Variants in ARHGAP15 observed in about 807,000 individuals in gnomAD.
The protein encoded by ARHGAP15 is rho GTPase-activating protein 15.
ARHGAP15 carries 51 observed loss-of-function variants against 63.7 expected under a neutral mutation model. That is an observed-to-expected ratio of 0.80 (90% CI 0.64 to 1.01). The LOEUF (loss-of-function observed/expected upper bound fraction) is 1.01. Among genes scored for constraint, ARHGAP15 ranks in the 50% least tolerant of loss-of-function variants. The pLI, the probability that ARHGAP15 is intolerant of heterozygous loss-of-function variation, is 0.00. For synonymous variants in ARHGAP15, 191 were observed against 193.8 expected, an observed-to-expected ratio of 0.99 and a Z score of 0.12; for missense variants, 560 against 564.6, an observed-to-expected ratio of 0.99 and a Z score of 0.08.
intron 6 of ARHGAP15, among the ~76,000 whole-genome samples, chr2:143,329,195 G>A (rs1037371320): frequency 7.9e-5 from 12 of 152,122 alleles, no homozygotes; most frequent in Admixed American, 3.3e-4. Flanking sequence ...TACATTATAC[G>A]GCAAAGATGA....
At chr2:143,749,412 T>C (rs1271058599) in intron 13 of ARHGAP15, among the ~76,000 whole-genome samples, 1 of 152,226 alleles carries the variant, frequency 6.6e-6, no homozygotes, top group East Asian at 1.9e-4. Flanking sequence ...CATCCTTCTC[T>C]CTCTCTTTAT....
intron 6 of ARHGAP15, among the ~76,000 whole-genome samples, chr2:143,424,379 AT>A (rs968517631): frequency 2.6e-5 from 4 of 152,084 alleles, no homozygotes; most frequent in Admixed American, 6.6e-5. Flanking sequence ...TACAAATCTA[AT>A]TTTTTTTAAA....
chr2:143,232,043 A>G (rs1393729871), intron 5 of ARHGAP15, among the ~76,000 whole-genome samples: 1 of 152,226 alleles, frequency 6.6e-6, no homozygotes, highest in South Asian at 2.1e-4. Context: ...ATCCTTAAAA[A>G]TATCCAAGTC....
intron 6 of ARHGAP15, among the ~76,000 whole-genome samples, chr2:143,378,079 A>G (rs986813273): frequency 1.3e-5 from 2 of 152,044 alleles, no homozygotes; most frequent in African/African-American, 4.8e-5. Flanking sequence ...GTTTACTGAA[A>G]TTAACTAGAA....
intron 1 of ARHGAP15, among the ~76,000 whole-genome samples, chr2:143,145,857 TG>T (rs1689564678): frequency 6.6e-6 from 1 of 150,624 alleles, no homozygotes; most frequent in Non-Finnish European, 1.5e-5. Flanking sequence ...TGTGTGTGTG[TG>T]TGTGTGTGTG....
intron 2 of ARHGAP15, among the ~76,000 whole-genome samples, chr2:143,179,753 G>A (rs354678): frequency 0.64 from 97,353 of 151,886 alleles, 31,561 homozygotes; most frequent in Non-Finnish European, 0.68. Flanking sequence ...TTAATCGGGC[G>A]TGCTTTTCCA....
Position 143,284,618 on chromosome 2 carries a change from A to C in ARHGAP15, c.474+34018A>C, listed in dbSNP as rs567847721. Among the ~76,000 whole-genome samples, 15 of 152,338 alleles carry C rather than the reference A, an allele frequency of 9.8e-5. 1 individual carries two copies. In the South Asian group the frequency reaches 1.9e-3, roughly 19 times the overall value. ...AAGAATGGAGCCGTTCCAGTGCGTC[A>C]CAAGACTTTAGGACACTTACATAGT... On this transcript the variant is annotated intron_variant, in intron 6 of 13. Transcript: ENST00000295095.
At chr2:143,687,830 C>T (rs1272999505) in intron 12 of ARHGAP15, among the ~76,000 whole-genome samples, 1 of 152,094 alleles carries the variant, frequency 6.6e-6, no homozygotes. Context: ...AAAAAGAATC[C>T]ATACTCCTAT....
intron 9 of ARHGAP15, among the ~76,000 whole-genome samples, chr2:143,502,889 G>A (rs984647522): frequency 6.6e-6 from 1 of 152,122 alleles, no homozygotes; most frequent in Non-Finnish European, 1.5e-5. Flanking sequence ...CCTGTGTGTG[G>A]ATTCTTTCTG....
chr2:143,297,352 C>T (rs1682682841), intron 6 of ARHGAP15, among the ~76,000 whole-genome samples: 2 of 152,038 alleles, frequency 1.3e-5, no homozygotes, highest in Middle Eastern at 3.4e-3. Context: ...ACTGAGTCTG[C>T]AGTACTCTGT....
intron 11 of ARHGAP15, among the ~76,000 whole-genome samples, chr2:143,579,986 TTTCTTCAAAAC>T (rs1173641391): frequency 7.0e-6 from 1 of 142,840 alleles, no homozygotes; most frequent in Non-Finnish European, 1.5e-5. Context: ...AAAACAAATG[TTTCTTCAAAAC>T]ATTTGTTTTA....
chr2:143,195,682 C>T (rs1691862207), intron 2 of ARHGAP15, among the ~76,000 whole-genome samples: 2 of 152,170 alleles, frequency 1.3e-5, no homozygotes, highest in Middle Eastern at 3.4e-3. Flanking sequence ...TATCCAGGGA[C>T]GTTGCTAATG....
At chr2:143,318,009 T>A (rs983851749) in intron 6 of ARHGAP15, among the ~76,000 whole-genome samples, 3 of 149,266 alleles carry the variant, frequency 2.0e-5, no homozygotes, top group Non-Finnish European at 4.5e-5. Context: ...AATTTTATCC[T>A]TTTTTTTTTC....
chr2:143,496,849 T>C (rs555109897), intron 9 of ARHGAP15, among the ~76,000 whole-genome samples: 1 of 152,200 alleles, frequency 6.6e-6, no homozygotes, highest in Non-Finnish European at 1.5e-5. Flanking sequence ...TGGCATTTTG[T>C]TTTTAGCCAA....
At chr2:143,368,357 A>C (rs4662324) in intron 6 of ARHGAP15, among the ~76,000 whole-genome samples, 21,373 of 152,018 alleles carry the variant, frequency 0.14, 1,789 homozygotes, top group Non-Finnish European at 0.17. Flanking sequence ...GGAGATGAGG[A>C]ACAGTGTTCA....
chr2:143,541,409 G>A (rs1299812099), intron 10 of ARHGAP15, among the ~76,000 whole-genome samples: 3 of 152,122 alleles, frequency 2.0e-5, no homozygotes, highest in African/African-American at 7.2e-5. Context: ...GCTTTGTTCT[G>A]TTGCTGGTGA....
intron 6 of ARHGAP15, among the ~76,000 whole-genome samples, chr2:143,311,291 T>TTC: frequency 6.6e-6 from 1 of 152,042 alleles, no homozygotes; most frequent in South Asian, 2.1e-4. Context: ...CCTCCCTTTT[T>TTC]TTTTTTTGTA....
At chr2:143,471,007 TAAA>T (rs750646920) in intron 8 of ARHGAP15, among the ~76,000 whole-genome samples, 14 of 132,306 alleles carry the variant, frequency 1.1e-4, no homozygotes, top group Non-Finnish European at 1.8e-4. Context: ...TGTGTATAGA[TAAA>T]GAAGATATGA....
intron 9 of ARHGAP15, among the ~76,000 whole-genome samples, chr2:143,510,463 C>A (rs142433794): frequency 3.1e-4 from 47 of 152,286 alleles, no homozygotes; most frequent in African/African-American, 1.1e-3. Context: ...AAATGAGCAC[C>A]CTGACCCAGC....
Sources: allele counts gnomAD v4.1 joint callset (sites outside exome capture counted in the v4.1 genomes callset), GRCh38; gene constraint gnomAD v4.1.1; transcripts MANE v1.5; gene names NCBI Gene and HGNC (gene_info 2026-07-23, HGNC 2026-07-21).